Variants in SLCO1C1 observed in about 807,000 individuals in gnomAD.
The protein encoded by SLCO1C1 is OAT-RP-5.
SLCO1C1 carries 70 observed loss-of-function variants against 76.4 expected under a neutral mutation model. The ratio of observed to expected loss-of-function variants is 0.92; its 90% CI spans 0.76 to 1.12. SLCO1C1 has a LOEUF of 1.12. Among genes scored for constraint, SLCO1C1 ranks in the 50% most tolerant of loss-of-function variants. The probability of loss-of-function intolerance (pLI) is 0.00; values close to 1 mark genes in which losing one functional copy is unlikely to be tolerated. For missense variants in SLCO1C1, 912 were observed against 823.8 expected (o/e 1.11, Z -1.31); for synonymous variants, 306 against 286.1 (o/e 1.07, Z -0.70).
chr12:20,701,352 C>T lies in SLCO1C1; in HGVS notation c.164C>T (p.Ala55Val), dbSNP rs754805185. The T allele has an allele frequency of 2.0e-6, 3 of 1,537,858 alleles. No homozygotes were observed. Among genetic ancestry groups the T allele is most frequent in the African/African-American group, 2.7e-5 (2 of 73,618 alleles). ...FLCALSFVYFAKALAEGYLKS... is the reference protein window; with the variant it reads ...FLCALSFVYFVKALAEGYLKS... ...TGTGCCTTGTCTTTTGTTTACTTTGCCAAAGCATTGGCAGAAGGCTATCTG... is the reference window on the plus strand; with the variant it reads ...TGTGCCTTGTCTTTTGTTTACTTTGTCAAAGCATTGGCAGAAGGCTATCTG... The change falls in exon 3 of 15, where the codon GCC becomes GTC. Residue 55 changes from alanine (A) to valine (V), a missense_variant. Physicochemically the swap from Ala to Val is moderately conservative, Grantham distance 64 (BLOSUM62 0). Coordinates refer to ENST00000266509, the MANE Select transcript of SLCO1C1 (RefSeq NM_017435.5).
rs549333334 is a variant in SLCO1C1 at position 20,750,529 on chromosome 12, G to A, written c.1799-146G>A. 33 of 691,696 alleles carry A rather than the reference G, an allele frequency of 4.8e-5. No individual in the cohort carries two copies. The African/African-American group carries it at 5.0e-4, about 10-fold the overall frequency. 42.8% of individuals were successfully genotyped at this position (691,696 alleles called of 1,614,324 possible). On this transcript the variant is annotated intron_variant, in intron 13 of 14. Coordinates refer to ENST00000266509, the MANE Select transcript of SLCO1C1 (RefSeq NM_017435.5). ...TTATGAGAAAAGACTGGATTAGAGA[G>A]ATAGGTTTGGGAGATTTCAGCATGT... is the stretch of plus-strand genomic sequence containing the variant.
Position 20,713,085 on chromosome 12 carries a change from T to TG in SLCO1C1, c.529+1575_529+1576insG, listed in dbSNP as rs1243908581. On this transcript the variant is annotated intron_variant, in intron 5 of 14. Coordinates refer to ENST00000266509, the MANE Select transcript of SLCO1C1 (RefSeq NM_017435.5). ...TGTACGGCCAGGGAAGATGTTTTCT[T>TG]TTTTTTTTTTTTGAGACGGAGTCTC... 2.6e-4 allele frequency among the ~76,000 whole-genome samples: 39 copies of TG among 149,232 alleles called. No homozygotes were observed. In the East Asian group the frequency reaches 7.4e-3, roughly 28 times the overall value.
At chr12:20,723,741 AAAG>A (rs1947796582) in intron 9 of SLCO1C1, among the ~76,000 whole-genome samples, 1 of 152,198 alleles carries the variant, frequency 6.6e-6, no homozygotes, top group Non-Finnish European at 1.5e-5. Context: ...TGAAGAAATG[AAAG>A]AAGAGAAACC....
chr12:20,751,625 G>A (rs561126684), intron 14 of SLCO1C1, among the ~76,000 whole-genome samples: 16 of 152,178 alleles, frequency 1.1e-4, no homozygotes, highest in Admixed American at 1.0e-3. Flanking sequence ...GTATAATTTA[G>A]TATTTCCTCA....
intron 3 of SLCO1C1, among the ~76,000 whole-genome samples, chr12:20,704,532 T>C (rs1281644862): frequency 1.3e-5 from 2 of 151,806 alleles, no homozygotes; most frequent in Non-Finnish European, 3.0e-5. Flanking sequence ...CATCTTGTGC[T>C]AAATTATTCG....
At chr12:20,715,376 CT>C in intron 6 of SLCO1C1, 91 bp downstream of exon 6, 1 of 1,385,472 alleles carries the variant, frequency 7.2e-7, no homozygotes, top group Non-Finnish European at 9.9e-7. Flanking sequence ...AGTGGGGAAG[CT>C]TTTTATACTT....
chr12:20,716,341 G>A (rs1233892142), intron 6 of SLCO1C1, among the ~76,000 whole-genome samples: 2 of 152,212 alleles, frequency 1.3e-5, no homozygotes, highest in African/African-American at 2.4e-5. Flanking sequence ...AGGTGCTTAG[G>A]TGTGCCCTTC....
At chr12:20,744,698 T>C (rs1214828714) in intron 13 of SLCO1C1, among the ~76,000 whole-genome samples, 2 of 152,158 alleles carry the variant, frequency 1.3e-5, no homozygotes, top group African/African-American at 4.8e-5. Context: ...GGGAAAATGA[T>C]GTTCTTTATT....
At chr12:20,717,798 A>G (rs114113291) in intron 7 of SLCO1C1, among the ~76,000 whole-genome samples, 3,579 of 151,150 alleles carry the variant, frequency 0.024, 151 homozygotes, top group African/African-American at 0.083. Context: ...GGCAAAGGGG[A>G]CACTGATTTT....
intron 8 of SLCO1C1, among the ~76,000 whole-genome samples, 194 bp from the exon 9 acceptor site, chr12:20,722,896 C>T (rs997973139): frequency 2.0e-5 from 3 of 152,136 alleles, no homozygotes; most frequent in Non-Finnish European, 2.9e-5. Context: ...TGTCTGGATT[C>T]GAACCTGGCC....
intron 10 of SLCO1C1, among the ~76,000 whole-genome samples, chr12:20,735,795 T>C (rs555678340): frequency 1.3e-5 from 2 of 152,196 alleles, no homozygotes; most frequent in African/African-American, 2.4e-5. Flanking sequence ...AGTGATTAAT[T>C]TATTTCTCCA....
At chr12:20,703,750 G>A (rs1946637864) in intron 3 of SLCO1C1, among the ~76,000 whole-genome samples, 1 of 151,654 alleles carries the variant, frequency 6.6e-6, no homozygotes, top group Non-Finnish European at 1.5e-5. Flanking sequence ...ATAATGAACT[G>A]CGCTTGGTTG....
chr12:20,717,370 A>C (rs1947413077), intron 7 of SLCO1C1, 140 bp downstream of exon 7: 1 of 574,802 alleles, frequency 1.7e-6, no homozygotes, highest in African/African-American at 2.0e-5. Context: ...TTTTATTATT[A>C]ATATAGTTAT....
At position 20,706,082 on chromosome 12, in the gene SLCO1C1, G is replaced by A. The variant is rs769284258; in HGVS notation, c.404+1G>A. 4 of 1,610,794 alleles carry A rather than the reference G, an allele frequency of 2.5e-6. No homozygotes were observed. The South Asian group carries it at 3.3e-5, about 13-fold the overall frequency. ...CAATGCCTCAGTTCTTCATGGAGCA[G>A]TAAGTCTAAAGCAATCATCTTTTCC... On this transcript the variant is annotated splice_donor_variant, in intron 4 of 14. Coordinates refer to ENST00000266509, the MANE Select transcript of SLCO1C1 (RefSeq NM_017435.5). LOFTEE classifies it high-confidence loss of function.
intron 9 of SLCO1C1, among the ~76,000 whole-genome samples, chr12:20,725,156 T>G (rs1363937901): frequency 7.5e-6 from 1 of 133,352 alleles, no homozygotes; most frequent in Non-Finnish European, 1.5e-5. Flanking sequence ...TATTAATAAT[T>G]TTTATAATTA....
Position 20,752,341 on chromosome 12 carries a change from C to T in SLCO1C1, c.1952C>T (p.Thr651Ile). The T allele has an allele frequency of 6.2e-7, 1 of 1,610,366 alleles. No individual in the cohort carries two copies. The highest frequency in any genetic ancestry group is 1.1e-5 in the South Asian group (1 of 90,602). ...CTGGGACTAACTGTGATACTGGGCA[C>T]AGTGTCAATTCTCCTAAGCATTGCA... ...IYLGLTVILG[T>I]VSILLSIAVL... The change falls in exon 15 of 15, where the codon ACA becomes ATA. Residue 651 changes from threonine (T) to isoleucine (I), a missense_variant. Transcript: ENST00000266509.
intron 13 of SLCO1C1, among the ~76,000 whole-genome samples, chr12:20,750,221 A>G (rs975621197): frequency 5.9e-5 from 9 of 152,190 alleles, no homozygotes; most frequent in African/African-American, 1.9e-4. Context: ...GCTTTAAGTT[A>G]GGGTAGAAGG....
intron 9 of SLCO1C1, among the ~76,000 whole-genome samples, chr12:20,730,820 G>T (rs759320374): frequency 6.6e-6 from 1 of 152,106 alleles, no homozygotes; most frequent in African/African-American, 2.4e-5. Context: ...TTTTGCGGGG[G>T]TCTGTCCTGC....
At chr12:20,736,707 G>T (rs1255025706) in intron 10 of SLCO1C1, among the ~76,000 whole-genome samples, 1 of 151,966 alleles carries the variant, frequency 6.6e-6, no homozygotes, top group Admixed American at 6.6e-5. Flanking sequence ...AATGAAATTT[G>T]CACACACACA....
Sources: gnomAD v4.1 joint callset for allele counts (sites outside exome capture counted in the v4.1 genomes callset) on GRCh38, gnomAD v4.1.1 for gene constraint, MANE v1.5 for transcripts, NCBI Gene and HGNC (gene_info 2026-07-23, HGNC 2026-07-21) for gene names.